Variants in SPRR2G observed in about 807,000 individuals in gnomAD.
The protein encoded by SPRR2G is small proline rich protein 2G.
In SPRR2G, 1 loss-of-function variant was observed where a neutral mutation model predicts 0.7. The ratio of observed to expected loss-of-function variants is 1.49; its 90% CI spans 0.53 to 7.06. SPRR2G has a LOEUF of 7.06. Ranked by LOEUF, SPRR2G falls within the 30% of genes most tolerant of loss-of-function variation. SPRR2G has a pLI of 0.14. For synonymous variants in SPRR2G, 38 were observed against 33.9 expected, an observed-to-expected ratio of 1.12 and a Z score of -0.42; for missense variants, 96 against 88.5, an observed-to-expected ratio of 1.09 and a Z score of -0.34.
chr1:153,168,592 T>C, the SPRR2G span, among the ~76,000 whole-genome samples: 1 of 152,176 alleles, frequency 6.6e-6, no homozygotes, highest in African/African-American at 2.4e-5. Flanking sequence ...TATTTTATAT[T>C]ATCCGAAATT....
the SPRR2G span, among the ~76,000 whole-genome samples, chr1:153,188,353 T>C: frequency 7.2e-5 from 11 of 152,166 alleles, no homozygotes; most frequent in Non-Finnish European, 1.3e-4. Flanking sequence ...GGGAGTTTTA[T>C]TTATAAGCTC....
the SPRR2G span, among the ~76,000 whole-genome samples, chr1:153,202,187 G>A: frequency 2.0e-5 from 3 of 152,198 alleles, no homozygotes; most frequent in Non-Finnish European, 2.9e-5. Flanking sequence ...GCGTGCTGAT[G>A]TCACAGCCAA....
the SPRR2G span, among the ~76,000 whole-genome samples, chr1:153,194,392 C>A: frequency 1.3e-5 from 2 of 152,184 alleles, no homozygotes; most frequent in Admixed American, 1.3e-4. Context: ...GATTAGTTGG[C>A]ACTTCATTAA....
chr1:153,156,138 G>C, the SPRR2G span, among the ~76,000 whole-genome samples: 1 of 152,178 alleles, frequency 6.6e-6, no homozygotes, highest in African/African-American at 2.4e-5. Context: ...CCTTACATGA[G>C]TGTCACAACA....
chr1:153,180,809 C>T, the SPRR2G span, among the ~76,000 whole-genome samples: 1 of 152,146 alleles, frequency 6.6e-6, no homozygotes, highest in Admixed American at 6.6e-5. Context: ...TTAGCCATTT[C>T]GGTGGCTATG....
chr1:153,188,330 GT>G, the SPRR2G span, among the ~76,000 whole-genome samples: 1 of 152,182 alleles, frequency 6.6e-6, no homozygotes, highest in Non-Finnish European at 1.5e-5. Context: ...CAGGTGCTCT[GT>G]CCCAGGGAGA....
the SPRR2G span, among the ~76,000 whole-genome samples, chr1:153,168,904 A>ATGTGTGTGTGTGTGTGTGTGTGTG: frequency 1.9e-3 from 283 of 148,158 alleles, no homozygotes; most frequent in Middle Eastern, 7.0e-3. Flanking sequence ...TCATGAGTGT[A>ATGTGTGTGTGTGTGTGTGTGTGTG]TGTGTGTGTG....
the SPRR2G span, among the ~76,000 whole-genome samples, chr1:153,189,533 C>T: frequency 6.6e-6 from 1 of 151,930 alleles, no homozygotes; most frequent in African/African-American, 2.4e-5. Flanking sequence ...CTTCATAGAA[C>T]CATAGAAAAT....
At chr1:153,166,484 A>G in the SPRR2G span, among the ~76,000 whole-genome samples, 2 of 152,142 alleles carry the variant, frequency 1.3e-5, no homozygotes, top group Non-Finnish European at 2.9e-5. Context: ...CTTGGTCCCA[A>G]GGAAGTGTTC....
the SPRR2G span, among the ~76,000 whole-genome samples, chr1:153,180,246 C>A: frequency 6.6e-6 from 1 of 152,158 alleles, no homozygotes; most frequent in Non-Finnish European, 1.5e-5. Context: ...ACCTGGGAAG[C>A]AGGTTCTCAA....
At chr1:153,153,076 G>A (rs551944831), upstream of SPRR2G, among the ~76,000 whole-genome samples, 18 of 152,230 alleles carry the variant, frequency 1.2e-4, no homozygotes, top group Admixed American at 1.1e-3. Flanking sequence ...AACTCACATA[G>A]TATCTACATG....
the SPRR2G span, among the ~76,000 whole-genome samples, chr1:153,156,327 T>A: frequency 6.6e-6 from 1 of 152,228 alleles, no homozygotes; most frequent in Admixed American, 6.5e-5. Context: ...TTACAGATAA[T>A]AGAGCCTTGA....
chr1:153,152,216 A>T (rs1656485978), upstream of SPRR2G, among the ~76,000 whole-genome samples: 1 of 152,232 alleles, frequency 6.6e-6, no homozygotes, highest in Admixed American at 6.5e-5. Flanking sequence ...CAAACATGTC[A>T]AAAACAGATA....
chr1:153,166,591 C>A, the SPRR2G span, among the ~76,000 whole-genome samples: 34 of 152,232 alleles, frequency 2.2e-4, no homozygotes, highest in South Asian at 6.8e-3. Context: ...AGAATTGGGC[C>A]TCTGGACAGC....
the SPRR2G span, among the ~76,000 whole-genome samples, chr1:153,199,596 T>C: frequency 1.3e-5 from 2 of 152,184 alleles, no homozygotes; most frequent in African/African-American, 4.8e-5. Context: ...TAAAAACTTC[T>C]AGTAGCTAAT....
At chr1:153,196,977 C>T in the SPRR2G span, among the ~76,000 whole-genome samples, 1 of 152,144 alleles carries the variant, frequency 6.6e-6, no homozygotes, top group African/African-American at 2.4e-5. Context: ...ATGTGGACTC[C>T]ACAGAGGAGT....
At chr1:153,192,997 G>A in the SPRR2G span, among the ~76,000 whole-genome samples, 1 of 152,092 alleles carries the variant, frequency 6.6e-6, no homozygotes, top group Admixed American at 6.5e-5. Context: ...CACACACTAG[G>A]ACTAGGTTTC....
chr1:153,159,198 A>G, the SPRR2G span, among the ~76,000 whole-genome samples: 1 of 152,220 alleles, frequency 6.6e-6, no homozygotes, highest in East Asian at 1.9e-4. Flanking sequence ...AGAAACAACC[A>G]GGTCACCTCT....
the SPRR2G span, among the ~76,000 whole-genome samples, chr1:153,168,716 C>T: frequency 6.6e-6 from 1 of 152,066 alleles, no homozygotes; most frequent in African/African-American, 2.4e-5. Flanking sequence ...TGCTAAAATA[C>T]CCCCAGCAAT....
Sources: gnomAD v4.1 joint callset for allele counts (sites outside exome capture counted in the v4.1 genomes callset) on GRCh38, gnomAD v4.1.1 for gene constraint, MANE v1.5 for transcripts, NCBI Gene and HGNC (gene_info 2026-07-23, HGNC 2026-07-21) for gene names.